Variants in RBM47 observed in about 807,000 individuals in gnomAD.
RBM47 encodes RNA-binding protein 47.
RBM47 carries 21 observed loss-of-function variants against 47.1 expected under a neutral mutation model. The ratio of observed to expected loss-of-function variants is 0.45; its 90% CI spans 0.32 to 0.64. The LOEUF (loss-of-function observed/expected upper bound fraction) is 0.64. RBM47 is among the 30% of genes least tolerant of loss of function. RBM47 has a pLI of 0.05. For missense variants in RBM47, 708 were observed against 870.9 expected, an observed-to-expected ratio of 0.81 and a Z score of 2.35; for synonymous variants, 375 against 361.7, an observed-to-expected ratio of 1.04 and a Z score of -0.42.
chr4:40,609,676 G>A (rs187058446), intron 1 of RBM47, among the ~76,000 whole-genome samples: 17 of 151,970 alleles, frequency 1.1e-4, no homozygotes, highest in East Asian at 5.8e-4. Flanking sequence ...TATGCTTTGC[G>A]CATGAGACAA....
chr4:40,463,268 G>C (rs1717441660), intron 3 of RBM47, among the ~76,000 whole-genome samples: 1 of 152,180 alleles, frequency 6.6e-6, no homozygotes, highest in Non-Finnish European at 1.5e-5. Flanking sequence ...AAGGACATGA[G>C]AAGATGCTCA....
chr4:40,619,214 A>G (rs1275932576), intron 1 of RBM47, among the ~76,000 whole-genome samples: 1 of 152,166 alleles, frequency 6.6e-6, no homozygotes, highest in Non-Finnish European at 1.5e-5. Context: ...GGATTATTTG[A>G]GCCCAGAAAT....
chr4:40,552,890 G>A (rs1729698417), intron 1 of RBM47, among the ~76,000 whole-genome samples: 1 of 152,030 alleles, frequency 6.6e-6, no homozygotes, highest in South Asian at 2.1e-4. Flanking sequence ...CCCCATCCTA[G>A]CTCTCTCCCT....
intron 2 of RBM47, among the ~76,000 whole-genome samples, chr4:40,482,716 T>C (rs1241698380): frequency 1.3e-5 from 2 of 152,236 alleles, no homozygotes; most frequent in East Asian, 1.9e-4. Flanking sequence ...ATTCCTAAAA[T>C]TGGAATAAAC....
intron 1 of RBM47, among the ~76,000 whole-genome samples, chr4:40,544,970 G>C (rs1180659798): frequency 6.6e-6 from 1 of 151,820 alleles, no homozygotes; most frequent in Admixed American, 6.6e-5. Flanking sequence ...TGAGGCGAGA[G>C]GATCACTTGA....
intron 1 of RBM47, among the ~76,000 whole-genome samples, chr4:40,560,086 C>T (rs1253544654): frequency 6.6e-6 from 1 of 152,148 alleles, no homozygotes; most frequent in Non-Finnish European, 1.5e-5. Flanking sequence ...AAACACCAGC[C>T]TGGTCAGCAA....
At chr4:40,518,610 G>A (rs1342051743) in intron 2 of RBM47, among the ~76,000 whole-genome samples, 3 of 152,104 alleles carry the variant, frequency 2.0e-5, no homozygotes, top group Non-Finnish European at 4.4e-5. Context: ...ACAGATCTGA[G>A]AACCTCAGCG....
chr4:40,573,795 G>A lies in RBM47; in HGVS notation c.-239-29289C>T, dbSNP rs60304145. On this transcript the variant is annotated intron_variant, in intron 1 of 6. Transcript: ENST00000295971. ...AAAGAAAGAAAGAAAGAGAGAGAGAGAGAAAGAAAGAAAAAGAAAGAAAGA... is the reference window on the plus strand; with the variant it reads ...AAAGAAAGAAAGAAAGAGAGAGAGAAAGAAAGAAAGAAAAAGAAAGAAAGA... 1.6e-4 allele frequency among the ~76,000 whole-genome samples: 8 copies of A among 51,044 alleles called. No individual in the cohort carries two copies. In the East Asian group the frequency reaches 2.0e-3, roughly 13 times the overall value. 33.5% of individuals were successfully genotyped at this position (51,044 alleles called of 152,430 possible).
chr4:40,483,294 G>A (rs1281571952), intron 2 of RBM47, among the ~76,000 whole-genome samples: 1 of 152,184 alleles, frequency 6.6e-6, no homozygotes, highest in Non-Finnish European at 1.5e-5. Flanking sequence ...GTTCAACAAT[G>A]GCTATTGATC....
intron 3 of RBM47, among the ~76,000 whole-genome samples, chr4:40,464,638 G>A (rs1313598823): frequency 3.3e-5 from 5 of 151,794 alleles, no homozygotes; most frequent in South Asian, 2.1e-4. Flanking sequence ...GGTGGCTCAC[G>A]CCTGTAATAC....
rs148457533 is a variant in RBM47 at position 40,563,639 on chromosome 4, G to A, written c.-239-19133C>T. ...GCACACATGGTTAATACTCACAGAG[G>A]GTGGTGTCCACTAAGCAGAGCCTGG... On this transcript the variant is annotated intron_variant, in intron 1 of 6. Coordinates refer to ENST00000295971, the MANE Select transcript of RBM47 (RefSeq NM_001098634.2). 1.8e-3 allele frequency among the ~76,000 whole-genome samples: 280 copies of A among 152,250 alleles called. 2 individuals carry two copies. The highest frequency in any genetic ancestry group is 6.4e-3 in the African/African-American group (265 of 41,546).
rs147020950 is a variant in RBM47 at position 40,522,378 on chromosome 4, G to A, written c.-155+22044C>T. On this transcript the variant is annotated intron_variant, in intron 2 of 6. Transcript: ENST00000295971. Reference sequence around the variant, plus strand: ...AAATTAGCCCGGCGTGGTGGCAGGCGCCTGTAATCCCAGATACTCGGGAGG... The same window carrying A: ...AAATTAGCCCGGCGTGGTGGCAGGCACCTGTAATCCCAGATACTCGGGAGG... 4.6e-5 allele frequency among the ~76,000 whole-genome samples: 7 copies of A among 152,164 alleles called. No homozygotes were observed. The East Asian group carries it at 5.8e-4, about 13-fold the overall frequency.
intron 2 of RBM47, among the ~76,000 whole-genome samples, chr4:40,540,925 T>A (rs770729128): frequency 1.1e-4 from 17 of 151,922 alleles, no homozygotes; most frequent in Admixed American, 2.0e-4. Context: ...CTTTGTATTG[T>A]GAAATAAGCT....
chr4:40,524,777 C>T (rs910824092), intron 2 of RBM47, among the ~76,000 whole-genome samples: 5 of 152,208 alleles, frequency 3.3e-5, no homozygotes, highest in Admixed American at 1.3e-4. Context: ...CACGTCACCA[C>T]GCTCGGCTAA....
chr4:40,582,075 C>T (rs1292565297), intron 1 of RBM47, among the ~76,000 whole-genome samples: 1 of 152,156 alleles, frequency 6.6e-6, no homozygotes, highest in Non-Finnish European at 1.5e-5. Context: ...CTGAGGCTTA[C>T]TGAGTCCACT....
chr4:40,587,050 A>T (rs538095380), intron 1 of RBM47, among the ~76,000 whole-genome samples: 1 of 152,138 alleles, frequency 6.6e-6, no homozygotes, highest in South Asian at 2.1e-4. Flanking sequence ...CTACCACCCT[A>T]AACACTCAAA....
intron 2 of RBM47, among the ~76,000 whole-genome samples, chr4:40,534,910 G>A (rs1241260423): frequency 6.8e-6 from 1 of 148,140 alleles, no homozygotes; most frequent in Non-Finnish European, 1.5e-5. Context: ...ACTCCAGCCT[G>A]GGCGATGGAG....
intron 2 of RBM47, among the ~76,000 whole-genome samples, chr4:40,479,786 C>T (rs1202485146): frequency 6.6e-6 from 1 of 151,784 alleles, no homozygotes; most frequent in Non-Finnish European, 1.5e-5. Flanking sequence ...TACAGCTGCA[C>T]CATTGTGCCC....
intron 1 of RBM47, among the ~76,000 whole-genome samples, chr4:40,555,373 T>C (rs145495924): frequency 9.9e-5 from 15 of 152,166 alleles, no homozygotes; most frequent in Non-Finnish European, 1.6e-4. Flanking sequence ...AGCCCCTGAC[T>C]TTCTAGTTTC....
Sources: allele counts gnomAD v4.1 joint callset (sites outside exome capture counted in the v4.1 genomes callset), GRCh38; gene constraint gnomAD v4.1.1; transcripts MANE v1.5; gene names NCBI Gene and HGNC (gene_info 2026-07-23, HGNC 2026-07-21).